APTX: variants seen among roughly 807,000 people sequenced by gnomAD.
APTX encodes forkhead-associated domain histidine triad-like protein.
Under a neutral mutation model 42.3 loss-of-function variants are expected in APTX, and 33 were observed. The observed-to-expected ratio is 0.78, with a 90% confidence interval of 0.59 to 1.04. The LOEUF is 1.04. Ranked by LOEUF, APTX falls within the 50% of genes least tolerant of loss-of-function variation. APTX has a pLI of 0.00. For synonymous variants in APTX, 130 were observed against 146.7 expected, an observed-to-expected ratio of 0.89 and a Z score of 0.82; for missense variants, 421 against 415.1, an observed-to-expected ratio of 1.01 and a Z score of -0.12.
chr9:32,974,690 G>A (rs992779221), intron 6 of APTX, 129 bp from the exon 7 acceptor site: 5 of 657,846 alleles, frequency 7.6e-6, no homozygotes, highest in Non-Finnish European at 1.1e-5. Flanking sequence ...TACTATTGAA[G>A]TGATAGTGTG....
intron 1 of APTX, among the ~76,000 whole-genome samples, chr9:32,998,111 G>A (rs1835389662): frequency 6.6e-6 from 1 of 152,188 alleles, no homozygotes; most frequent in Non-Finnish European, 1.5e-5. Flanking sequence ...GTCCAGGAAA[G>A]ACACTGAGTT....
intron 1 of APTX, chr9:33,024,834 C>A (rs1039607798): frequency 1.5e-5 from 2 of 131,272 alleles, no homozygotes; most frequent in African/African-American, 6.0e-5. Context: ...TCGCCACGTT[C>A]CCAAAAAGAG....
chr9:33,003,420 C>G (rs559784290), upstream of APTX, among the ~76,000 whole-genome samples: 6 of 152,306 alleles, frequency 3.9e-5, no homozygotes, highest in South Asian at 1.2e-3. Context: ...GTGGCTCACA[C>G]CTGTAATCCC....
intron 1 of APTX, among the ~76,000 whole-genome samples, chr9:33,021,941 C>T (rs1398151537): frequency 1.5e-5 from 2 of 130,504 alleles, no homozygotes; most frequent in African/African-American, 5.9e-5. Context: ...GCCTGGGCAA[C>T]ACATCAAGGC....
chr9:33,007,542 G>T (rs750696564), intron 1 of APTX, among the ~76,000 whole-genome samples: 9 of 152,108 alleles, frequency 5.9e-5, no homozygotes, highest in Non-Finnish European at 1.3e-4. Context: ...AGCATCAACT[G>T]GACAAGACAA....
intron 1 of APTX, chr9:33,015,900 C>T (rs747872649): frequency 1.3e-4 from 20 of 152,090 alleles, no homozygotes; most frequent in Admixed American, 7.9e-4. Flanking sequence ...AATTCATATC[C>T]GCATCTGAAT....
upstream of APTX, among the ~76,000 whole-genome samples, chr9:33,002,554 T>C (rs1007338192): frequency 3.3e-5 from 5 of 152,162 alleles, no homozygotes; most frequent in African/African-American, 1.2e-4. Context: ...AGAAACTCCT[T>C]TACCCCGATG....
At chr9:33,022,823 T>G (rs938388677) in intron 1 of APTX, among the ~76,000 whole-genome samples, 3 of 152,232 alleles carry the variant, frequency 2.0e-5, no homozygotes, top group Non-Finnish European at 4.4e-5. Flanking sequence ...GTAAGAATGC[T>G]TCTTAAAAGT....
rs749838395 is a variant in APTX at position 32,987,798 on chromosome 9, G to T, written c.229C>A (p.Gln77Lys). 6.2e-7 allele frequency: 1 copy of T among 1,613,830 alleles called. No homozygotes were observed. Among genetic ancestry groups the T allele is most frequent in the South Asian group, 1.1e-5 (1 of 91,084 alleles). Residue 77 changes from glutamine to lysine, a missense_variant, in exon 4 of 8, where the codon CAA (glutamine) becomes AAA (lysine). Gln to Lys is a moderately conservative substitution (Grantham distance 53). Transcript: ENST00000379817. ...TGGCCAGGCTGCAGCTTCACCTCTT[G>T]GTCCTTCCCAATTACGACTGAGTCA... ...SIDSVVIGKD[Q>K]EVKLQPGQVL...
intron 6 of APTX, among the ~76,000 whole-genome samples, chr9:32,984,120 T>C (rs1283803549): frequency 6.6e-6 from 1 of 152,258 alleles, no homozygotes; most frequent in African/African-American, 2.4e-5. Context: ...CTTGTATTCT[T>C]TGAAAGAAAT....
intron 6 of APTX, among the ~76,000 whole-genome samples, chr9:32,980,748 C>G (rs1341722543): frequency 6.6e-6 from 1 of 152,188 alleles, no homozygotes; most frequent in African/African-American, 2.4e-5. Context: ...ATAGAACAAA[C>G]AGAACTTATT....
chr9:33,021,569 T>C (rs928138174), intron 1 of APTX, among the ~76,000 whole-genome samples: 4 of 152,200 alleles, frequency 2.6e-5, no homozygotes, highest in Non-Finnish European at 5.9e-5. Context: ...ACGCCTATAA[T>C]ACCAGCACTT....
intron 6 of APTX, among the ~76,000 whole-genome samples, chr9:32,975,195 G>A (rs576146507): frequency 7.2e-5 from 11 of 152,264 alleles, no homozygotes; most frequent in Admixed American, 2.6e-4. Flanking sequence ...CAGCAGAAAC[G>A]AGGCAGGAGC....
chr9:32,992,347 A>AT (rs1321309309), intron 1 of APTX, among the ~76,000 whole-genome samples: 1 of 152,260 alleles, frequency 6.6e-6, no homozygotes, highest in Non-Finnish European at 1.5e-5. Context: ...AATGAATAAG[A>AT]TTAGTGCGAG....
rs189490634 is a variant in APTX at position 33,011,211 on chromosome 9, T to C, written c.-5+13812A>G. Among the ~76,000 whole-genome samples the C allele has an allele frequency of 4.9e-4, 74 of 151,946 alleles. 1 individual carries two copies. In the East Asian group the frequency reaches 0.013, roughly 27 times the overall value. On this transcript the variant is annotated intron_variant, in intron 1 of 6. Coordinates refer to the APTX transcript ENST00000436040. ...GGGAGGCCTCTCTTGAGCACAGACC[T>C]GAAAGAAGAAAAAAGTCATGTGGAT...
intron 1 of APTX, among the ~76,000 whole-genome samples, chr9:33,000,382 T>C (rs983136596): frequency 1.4e-4 from 21 of 151,676 alleles, no homozygotes; most frequent in Non-Finnish European, 2.7e-4. Context: ...ATCCCAACAC[T>C]TTGGGAGGCC....
chr9:32,988,178 C>A, intron 2 of APTX, 49 bp from the exon 3 acceptor site: 9 of 1,554,156 alleles, frequency 5.8e-6, no homozygotes, highest in South Asian at 3.3e-5. Context: ...AAGAACCAGG[C>A]ACTTGCTCCT....
At chr9:33,011,668 G>C (rs564968376) in intron 1 of APTX, among the ~76,000 whole-genome samples, 3 of 152,154 alleles carry the variant, frequency 2.0e-5, no homozygotes, top group Non-Finnish European at 4.4e-5. Flanking sequence ...CCAATTCTGC[G>C]TTTCTTTAAA....
At chr9:32,979,727 C>A in intron 6 of APTX, 1 of 170,344 alleles carries the variant, frequency 5.9e-6, no homozygotes, top group South Asian at 1.3e-4. Flanking sequence ...CTGAGCCCAT[C>A]ACTAGCCATT....
Sources: gnomAD v4.1 joint callset for allele counts (sites outside exome capture counted in the v4.1 genomes callset) on GRCh38, gnomAD v4.1.1 for gene constraint, MANE v1.5 for transcripts, NCBI Gene and HGNC (gene_info 2026-07-23, HGNC 2026-07-21) for gene names.